The following AKT3 variants were observed in gnomAD, a reference collection of about 807,000 sequenced individuals.
AKT3 encodes the protein RAC-gamma serine/threonine-protein kinase.
Under a neutral mutation model 65.3 loss-of-function variants are expected in AKT3, and 15 were observed. The ratio of observed to expected loss-of-function variants is 0.23; its 90% CI spans 0.15 to 0.35. The LOEUF (loss-of-function observed/expected upper bound fraction) is 0.35, where lower values mean the gene tolerates loss of function less well. Ranked by LOEUF, AKT3 falls within the 10% of genes least tolerant of loss-of-function variation. AKT3 has a pLI of 1.00. For missense variants in AKT3, 243 were observed against 576.5 expected (o/e 0.42, Z 5.92); for synonymous variants, 206 against 183.8 (o/e 1.12, Z -0.98).
At chr1:243,648,864 T>C (rs184592559) in intron 4 of AKT3, among the ~76,000 whole-genome samples, 75 of 152,070 alleles carry the variant, frequency 4.9e-4, no homozygotes, top group African/African-American at 1.7e-3. Context: ...TTTCAAAGAG[T>C]ACTTTTGGTT....
intron 2 of AKT3, among the ~76,000 whole-genome samples, chr1:243,809,896 A>G (rs1693014717): frequency 6.6e-6 from 1 of 152,196 alleles, no homozygotes; most frequent in Admixed American, 6.5e-5. Context: ...AAATCACACA[A>G]CTACATGGAA....
At chr1:243,515,323 G>A (rs1467951362) in intron 12 of AKT3, among the ~76,000 whole-genome samples, 1 of 151,858 alleles carries the variant, frequency 6.6e-6, no homozygotes, top group African/African-American at 2.4e-5. Context: ...TGGAATGGCT[G>A]GGCCGTATGG....
intron 3 of AKT3, among the ~76,000 whole-genome samples, chr1:243,672,376 G>A (rs1337470849): frequency 2.6e-5 from 4 of 152,174 alleles, no homozygotes; most frequent in African/African-American, 9.7e-5. Flanking sequence ...AAAGTGATCT[G>A]CAGACTCACA....
chr1:243,718,470 C>CA (rs1686653342), intron 2 of AKT3, among the ~76,000 whole-genome samples: 4 of 151,506 alleles, frequency 2.6e-5, no homozygotes, highest in Admixed American at 2.0e-4. Flanking sequence ...TGTTTTTTTT[C>CA]AGACAGTCTC....
intron 8 of AKT3, among the ~76,000 whole-genome samples, chr1:243,596,407 A>G (rs1676620675): frequency 6.6e-6 from 1 of 152,228 alleles, no homozygotes. Flanking sequence ...TAAGAAGATG[A>G]ACAACCGAAT....
At chr1:243,527,916 CA>C (rs1480429740) in intron 12 of AKT3, among the ~76,000 whole-genome samples, 6 of 97,412 alleles carry the variant, frequency 6.2e-5, no homozygotes, top group South Asian at 3.5e-4. Flanking sequence ...CACACACACA[CA>C]CACACACACA....
At chr1:243,725,741 C>CA (rs937348130) in intron 2 of AKT3, among the ~76,000 whole-genome samples, 1 of 151,624 alleles carries the variant, frequency 6.6e-6, no homozygotes, top group Non-Finnish European at 1.5e-5. Context: ...ATACCATTGC[C>CA]AAAAAAAATT....
At position 243,664,327 on chromosome 1, in the gene AKT3, G is replaced by C. The variant is rs952186865; in HGVS notation, c.284+445C>G. On this transcript the variant is annotated intron_variant, in intron 4 of 13. Transcript: ENST00000673466. ...TTCTCCTGCCTCAGCCTCCTGAGTA[G>C]CTGGGACTACAGGCGCCCGCCACCA... Among the ~76,000 whole-genome samples the C allele has an allele frequency of 8.0e-5, 12 of 149,952 alleles. No homozygotes were observed. The East Asian group carries it at 1.6e-3, about 20-fold the overall frequency.
intron 3 of AKT3, among the ~76,000 whole-genome samples, chr1:243,695,034 C>T (rs754626902): frequency 1.3e-5 from 2 of 151,884 alleles, no homozygotes; most frequent in Non-Finnish European, 2.9e-5. Flanking sequence ...TTGTCATTAT[C>T]ATCATTGTCA....
chr1:243,490,780 G>T (rs1468859005), intron 13 of AKT3, among the ~76,000 whole-genome samples: 2 of 152,230 alleles, frequency 1.3e-5, no homozygotes, highest in African/African-American at 4.8e-5. Flanking sequence ...AGCAGCAGCT[G>T]TGGGACCAGT....
At chr1:243,798,705 C>T (rs1285461319) in intron 2 of AKT3, among the ~76,000 whole-genome samples, 2 of 152,282 alleles carry the variant, frequency 1.3e-5, no homozygotes, top group Non-Finnish European at 2.9e-5. Flanking sequence ...ACTCTTACTA[C>T]ATGTTCAACC....
At chr1:243,800,467 G>A (rs1692311731) in intron 2 of AKT3, among the ~76,000 whole-genome samples, 1 of 152,166 alleles carries the variant, frequency 6.6e-6, no homozygotes, top group African/African-American at 2.4e-5. Flanking sequence ...CGCCTGTAAT[G>A]CCAGCACTTT....
At chr1:243,627,971 T>C (rs1679304780) in intron 6 of AKT3, among the ~76,000 whole-genome samples, 1 of 152,162 alleles carries the variant, frequency 6.6e-6, no homozygotes, top group Non-Finnish European at 1.5e-5. Flanking sequence ...CGATATACAC[T>C]CAGATATGAT....
At chr1:243,764,071 AT>A (rs1689658707) in intron 2 of AKT3, among the ~76,000 whole-genome samples, 1 of 152,136 alleles carries the variant, frequency 6.6e-6, no homozygotes, top group African/African-American at 2.4e-5. Context: ...TTTGGGGCTT[AT>A]ACAACAGATT....
intron 2 of AKT3, among the ~76,000 whole-genome samples, chr1:243,823,671 T>C (rs1693988935): frequency 6.6e-6 from 1 of 152,136 alleles, no homozygotes; most frequent in Non-Finnish European, 1.5e-5. Context: ...CCATTCATAA[T>C]TGCTACAAAG....
chr1:243,695,843 T>C (rs1306701393), intron 2 of AKT3, 127 bp from the exon 3 acceptor site: 6 of 722,978 alleles, frequency 8.3e-6, no homozygotes, highest in African/African-American at 1.8e-5. Flanking sequence ...CTCAATTTTC[T>C]TTTAACTTAG....
chr1:243,836,729 G>A (rs1190413207), intron 2 of AKT3, among the ~76,000 whole-genome samples: 4 of 151,918 alleles, frequency 2.6e-5, no homozygotes, highest in African/African-American at 9.7e-5. Flanking sequence ...TGACCAAAAT[G>A]GAGAAACCCT....
chr1:243,664,185 C>CTTTTTT (rs34578718), intron 4 of AKT3, among the ~76,000 whole-genome samples: 8 of 60,020 alleles, frequency 1.3e-4, no homozygotes, highest in Admixed American at 2.9e-4. Context: ...ATAAAAATGT[C>CTTTTTT]TTTTTTTTTT....
At chr1:243,640,635 T>C (rs573745305) in intron 5 of AKT3, among the ~76,000 whole-genome samples, 1 of 151,920 alleles carries the variant, frequency 6.6e-6, no homozygotes, top group East Asian at 1.9e-4. Context: ...AGAGACCAAG[T>C]GGAGGAGAAC....
Sources: gnomAD v4.1 joint callset for allele counts (sites outside exome capture counted in the v4.1 genomes callset) on GRCh38, gnomAD v4.1.1 for gene constraint, MANE v1.5 for transcripts, NCBI Gene and HGNC (gene_info 2026-07-23, HGNC 2026-07-21) for gene names.